CAMTA1: variants seen among roughly 807,000 people sequenced by gnomAD.
The protein encoded by CAMTA1 is calmodulin-binding transcription activator 1.
In CAMTA1, 27 loss-of-function variants were observed where a neutral mutation model predicts 170.9. The observed-to-expected ratio is 0.16, with a 90% CI of 0.12 to 0.22. The LOEUF is 0.22. CAMTA1 is among the 10% of genes least tolerant of loss of function. The probability of loss-of-function intolerance (pLI) is 1.00; values close to 1 mark genes in which losing one functional copy is unlikely to be tolerated. For synonymous variants in CAMTA1, 833 were observed against 891.5 expected, an observed-to-expected ratio of 0.93 and a Z score of 1.17; for missense variants, 1,619 against 2,217.2, an observed-to-expected ratio of 0.73 and a Z score of 5.42.
chr1:7,631,754 C>T (rs985968393), intron 6 of CAMTA1, among the ~76,000 whole-genome samples: 6 of 152,184 alleles, frequency 3.9e-5, no homozygotes, highest in Non-Finnish European at 5.9e-5. Context: ...CTTGTGCTTC[C>T]GTCCATCCTC....
chr1:7,193,363 A>AC (rs1654912028), intron 4 of CAMTA1, among the ~76,000 whole-genome samples: 1 of 151,844 alleles, frequency 6.6e-6, no homozygotes, highest in East Asian at 2.0e-4. Flanking sequence ...AAAAAAAAAA[A>AC]AAAGTCATTT....
intron 5 of CAMTA1, among the ~76,000 whole-genome samples, chr1:7,396,749 T>G (rs540161053): frequency 6.6e-6 from 1 of 152,236 alleles, no homozygotes; most frequent in African/African-American, 2.4e-5. Flanking sequence ...TCTACTGAAG[T>G]GATTATATAG....
At chr1:6,867,728 G>T (rs370991753) in intron 3 of CAMTA1, among the ~76,000 whole-genome samples, 35 of 152,288 alleles carry the variant, frequency 2.3e-4, no homozygotes, top group African/African-American at 7.5e-4. Context: ...TGAATGGCAT[G>T]CTGGTGATTG....
chr1:7,749,615 A>T (rs1057291553), intron 19 of CAMTA1, among the ~76,000 whole-genome samples: 2 of 151,676 alleles, frequency 1.3e-5, no homozygotes, highest in African/African-American at 4.8e-5. Context: ...AAAGAGTAAC[A>T]ACTATAAAAC....
At chr1:6,923,425 AG>A (rs1171820846) in intron 3 of CAMTA1, among the ~76,000 whole-genome samples, 5 of 152,208 alleles carry the variant, frequency 3.3e-5, no homozygotes, top group Non-Finnish European at 5.9e-5. Context: ...GATGCCCTCA[AG>A]GTTCCTGTTT....
chr1:7,642,106 C>T lies in CAMTA1; in HGVS notation c.664+1553C>T, dbSNP rs1282828267. Among the ~76,000 whole-genome samples the T allele has an allele frequency of 6.6e-6, 1 of 152,134 alleles. No homozygotes were observed. The highest frequency in any genetic ancestry group is 2.4e-5 in the African/African-American group (1 of 41,440). On this transcript the variant is annotated intron_variant, in intron 7 of 22. Transcript: ENST00000303635. This position sits in a 1 kb window ranked among gnomAD's most constrained non-coding sequence, Gnocchi z 6.3. Reference sequence around the variant, plus strand: ...GCTCTCAGCCTCTCCACAGGCCCTCCCACCACCCAGCTGGGCCTTCACACC... The same window carrying T: ...GCTCTCAGCCTCTCCACAGGCCCTCTCACCACCCAGCTGGGCCTTCACACC...
At chr1:6,972,985 G>T (rs532420511) in intron 3 of CAMTA1, among the ~76,000 whole-genome samples, 22 of 152,200 alleles carry the variant, frequency 1.4e-4, no homozygotes, top group African/African-American at 5.1e-4. Context: ...CCAAGTAGCT[G>T]GGATTACAGG....
At chr1:7,233,674 C>G (rs1300352034) in intron 4 of CAMTA1, among the ~76,000 whole-genome samples, 2 of 152,120 alleles carry the variant, frequency 1.3e-5, no homozygotes, top group African/African-American at 4.8e-5. Flanking sequence ...GTGATCATCC[C>G]ACTTCCCTGC....
At chr1:7,763,776 C>T (rs707454) in intron 22 of CAMTA1, among the ~76,000 whole-genome samples, 3,100 of 152,198 alleles carry the variant, frequency 0.02, 109 homozygotes, top group African/African-American at 0.071. Context: ...CCTGTTCATT[C>T]GAGAAAAATT....
chr1:6,810,663 G>A (rs993293908), intron 1 of CAMTA1, among the ~76,000 whole-genome samples: 2 of 152,134 alleles, frequency 1.3e-5, no homozygotes, highest in African/African-American at 4.8e-5. Flanking sequence ...AATTTAGCCG[G>A]GCGTGGTGGC....
At chr1:7,560,201 C>T (rs2094937813) in intron 6 of CAMTA1, among the ~76,000 whole-genome samples, 1 of 152,228 alleles carries the variant, frequency 6.6e-6, no homozygotes, top group Non-Finnish European at 1.5e-5. Flanking sequence ...CCCCTGGCAC[C>T]TGTGTGGGAT....
chr1:7,518,491 C>G (rs533982849), intron 6 of CAMTA1, among the ~76,000 whole-genome samples: 1 of 152,016 alleles, frequency 6.6e-6, no homozygotes, highest in Non-Finnish European at 1.5e-5. Flanking sequence ...GAAGTCCCCC[C>G]ACGGGGCAGT....
At chr1:7,317,047 G>A (rs1168545878) in intron 5 of CAMTA1, among the ~76,000 whole-genome samples, 6 of 152,212 alleles carry the variant, frequency 3.9e-5, no homozygotes, top group Non-Finnish European at 8.8e-5. Flanking sequence ...TGTGGACCCT[G>A]TTCTTGGAAC....
At chr1:7,237,314 C>T (rs74051680) in intron 4 of CAMTA1, among the ~76,000 whole-genome samples, 9,308 of 152,108 alleles carry the variant, frequency 0.061, 960 homozygotes, top group African/African-American at 0.21. Context: ...CTGCTGCCTC[C>T]GGGCCAGGGC....
At chr1:7,566,525 GGTT>G (rs1553204983) in intron 6 of CAMTA1, among the ~76,000 whole-genome samples, 1 of 152,072 alleles carries the variant, frequency 6.6e-6, no homozygotes, top group Non-Finnish European at 1.5e-5. Context: ...TCCCTCCCGT[GGTT>G]GTTGATGAGC....
At position 7,249,825 on chromosome 1, in the gene CAMTA1, A is replaced by G. The variant is rs754630064; in HGVS notation, c.438+199A>G. On this transcript the variant is annotated intron_variant, in intron 5 of 22. Coordinates refer to ENST00000303635, the MANE Select transcript of CAMTA1 (RefSeq NM_015215.4). The surrounding 1 kb of genome is among the most constrained non-coding windows in gnomAD (Gnocchi z 4.4). Reference sequence around the variant, plus strand: ...CCATTCAAGTTTTCAGTGAAACTGGATTGAACTAAAGCACTCCTGTTTCTT... The same window carrying G: ...CCATTCAAGTTTTCAGTGAAACTGGGTTGAACTAAAGCACTCCTGTTTCTT... Among the ~76,000 whole-genome samples, 5 of 152,152 alleles carry G rather than the reference A, an allele frequency of 3.3e-5. No homozygotes were observed. Among genetic ancestry groups the G allele is most frequent in the Non-Finnish European group, 7.3e-5 (5 of 68,028 alleles).
intron 4 of CAMTA1, among the ~76,000 whole-genome samples, chr1:7,174,339 G>T (rs148229763): frequency 4.6e-5 from 7 of 152,102 alleles, no homozygotes; most frequent in Non-Finnish European, 8.8e-5. Flanking sequence ...GTGAGGAAGC[G>T]TTCACGAAAA....
At chr1:7,589,263 G>A (rs918128674) in intron 6 of CAMTA1, among the ~76,000 whole-genome samples, 3 of 152,256 alleles carry the variant, frequency 2.0e-5, no homozygotes, top group Non-Finnish European at 4.4e-5. Context: ...GTCTACCAAG[G>A]AGAGGGTGCC....
In CAMTA1 at chr1:7,334,443, C is replaced by A. The variant is rs78045682; in HGVS notation, c.438+84817C>A. Among the ~76,000 whole-genome samples, 20 of 152,286 alleles carry A rather than the reference C, an allele frequency of 1.3e-4. No individual in the cohort carries two copies. The East Asian group carries it at 3.5e-3, about 26-fold the overall frequency. ...TGGAGGCAGTCAGTTCTTTTGGATG[C>A]GGAAACGGAATTTCTGCTTACCCTA... On this transcript the variant is annotated intron_variant, in intron 5 of 22. Coordinates refer to ENST00000303635, the MANE Select transcript of CAMTA1 (RefSeq NM_015215.4).
Sources: gnomAD v4.1 joint callset for allele counts (sites outside exome capture counted in the v4.1 genomes callset) on GRCh38, gnomAD v4.1.1 for gene constraint, Gnocchi (gnomAD v3.1) non-coding constraint, MANE v1.5 for transcripts, NCBI Gene and HGNC (gene_info 2026-07-23, HGNC 2026-07-21) for gene names.